GABRG3: variants seen among roughly 807,000 people sequenced by gnomAD.
The protein encoded by GABRG3 is gamma-aminobutyric acid receptor subunit gamma-3.
In GABRG3, 25 loss-of-function variants were observed where a neutral mutation model predicts 48.8. The ratio of observed to expected loss-of-function variants is 0.51; its 90% CI spans 0.37 to 0.72. GABRG3 has a LOEUF of 0.72. Among genes scored for constraint, GABRG3 ranks in the 30% least tolerant of loss-of-function variants. The probability of loss-of-function intolerance (pLI) is 0.00; values close to 1 mark genes in which losing one functional copy is unlikely to be tolerated. For synonymous variants in GABRG3, 227 were observed against 217.6 expected (o/e 1.04, Z -0.38); for missense variants, 394 against 577.9 (o/e 0.68, Z 3.26).
At chr15:27,128,506 A>G (rs1897860678) in intron 3 of GABRG3, among the ~76,000 whole-genome samples, 1 of 152,254 alleles carries the variant, frequency 6.6e-6, no homozygotes, top group African/African-American at 2.4e-5. Flanking sequence ...GTTGAGCTGC[A>G]GCCAGCATGG....
At chr15:27,210,135 T>C (rs1216069130) in intron 3 of GABRG3, among the ~76,000 whole-genome samples, 2 of 152,194 alleles carry the variant, frequency 1.3e-5, no homozygotes, top group Non-Finnish European at 2.9e-5. Context: ...TGCTGAAAGC[T>C]TCCAAAGGAG....
chr15:27,026,735 C>T lies in GABRG3; in HGVS notation c.203-19C>T. 1 of 1,594,830 alleles carries T rather than the reference C, an allele frequency of 6.3e-7. No individual in the cohort carries two copies. Among genetic ancestry groups the T allele is most frequent in the South Asian group, 1.1e-5 (1 of 89,286 alleles). ...TTCTCCGGCACGAAGTATTAACATA[C>T]ATGTATTTTTCTCCACAGTAAAACC... On this transcript the variant is annotated intron_variant, in intron 2 of 9. Transcript: ENST00000615808.
chr15:27,006,161 T>G (rs979277802), intron 2 of GABRG3, among the ~76,000 whole-genome samples: 10 of 142,792 alleles, frequency 7.0e-5, no homozygotes, highest in African/African-American at 2.7e-4. Context: ...TCAATAAAAC[T>G]TTTTTTTACA....
intron 3 of GABRG3, among the ~76,000 whole-genome samples, chr15:27,205,396 G>A (rs1888819801): frequency 6.6e-6 from 1 of 152,078 alleles, no homozygotes; most frequent in Non-Finnish European, 1.5e-5. Context: ...TGCATCCCAG[G>A]AATAAAGCAT....
chr15:27,268,566 TGTG>T (rs2140472003), intron 3 of GABRG3, among the ~76,000 whole-genome samples: 1 of 152,294 alleles, frequency 6.6e-6, no homozygotes, highest in East Asian at 1.9e-4. Context: ...TGGAGGCAGA[TGTG>T]GTATCAATTT....
intron 3 of GABRG3, among the ~76,000 whole-genome samples, chr15:27,201,249 A>G (rs1265343010): frequency 6.6e-6 from 1 of 151,768 alleles, no homozygotes; most frequent in African/African-American, 2.4e-5. Flanking sequence ...TGGACAGGTC[A>G]GGGAGAGAGT....
chr15:27,527,893 C>T (rs1218564867), intron 8 of GABRG3, 40 bp from the exon 9 acceptor site: 2 of 1,461,114 alleles, frequency 1.4e-6, no homozygotes, highest in Non-Finnish European at 1.9e-6. Flanking sequence ...TGCAAATGTT[C>T]ATGACAGTTT....
At chr15:27,093,491 G>A (rs761609056) in intron 3 of GABRG3, among the ~76,000 whole-genome samples, 13 of 152,198 alleles carry the variant, frequency 8.5e-5, no homozygotes, top group Non-Finnish European at 1.3e-4. Flanking sequence ...TGCTGGAGTC[G>A]GGGACTCTGC....
At chr15:27,444,927 A>C (rs1888898475) in intron 5 of GABRG3, among the ~76,000 whole-genome samples, 1 of 152,124 alleles carries the variant, frequency 6.6e-6, no homozygotes, top group Admixed American at 6.6e-5. Flanking sequence ...GCTGCAGTGC[A>C]ATTGTGCAAT....
chr15:27,072,918 C>T (rs1310130294), intron 3 of GABRG3, among the ~76,000 whole-genome samples: 1 of 152,194 alleles, frequency 6.6e-6, no homozygotes, highest in African/African-American at 2.4e-5. Flanking sequence ...TGCCACAGCC[C>T]ACTGCTCTGG....
Position 27,324,632 on chromosome 15 carries a change from A to G in GABRG3, c.271-2177A>G, listed in dbSNP as rs1021050303. Among the ~76,000 whole-genome samples the G allele has an allele frequency of 9.2e-5, 14 of 152,194 alleles. 1 individual carries two copies. Among genetic ancestry groups the G allele is most frequent in the African/African-American group, 3.4e-4 (14 of 41,454 alleles). Reference sequence around the variant, plus strand: ...CAGGCAACGGTACCATTCAATCTCAAGTAGTCATTTTTCTTCCTGACTTGT... The same window carrying G: ...CAGGCAACGGTACCATTCAATCTCAGGTAGTCATTTTTCTTCCTGACTTGT... On this transcript the variant is annotated intron_variant, in intron 3 of 9. Transcript: ENST00000615808.
chr15:27,530,806 G>A (rs1891406005), intron 9 of GABRG3: 2 of 442,124 alleles, frequency 4.5e-6, no homozygotes, highest in East Asian at 7.1e-5. Context: ...ACATAGCAAG[G>A]GACTACACAG....
At chr15:26,977,437 C>G (rs1262786497) in intron 2 of GABRG3, among the ~76,000 whole-genome samples, 3 of 152,180 alleles carry the variant, frequency 2.0e-5, no homozygotes, top group Admixed American at 6.5e-5. Context: ...CTCGTATCAC[C>G]TCTTGCTATC....
rs1891470164 is a variant in GABRG3, at chr15:27,533,131, G to C, written c.*250G>C. ...TATTCTTGCTAATCCCTACTGAATT[G>C]TAGCTTGGTGTTGTTTCTGAATGGT... On this transcript the variant is annotated 3_prime_UTR_variant, in exon 10 of 10. Coordinates refer to ENST00000615808, the MANE Select transcript of GABRG3 (RefSeq NM_033223.5). 2.5e-6 allele frequency: 1 copy of C among 403,728 alleles called. No homozygotes were observed. The highest frequency in any genetic ancestry group is 4.4e-6 in the Non-Finnish European group (1 of 225,386). The allele number at this position is 403,728 out of a possible 1,614,324, so 25.0% of individuals were successfully genotyped here.
At chr15:27,305,515 CAT>C (rs1029737277) in intron 3 of GABRG3, among the ~76,000 whole-genome samples, 66 of 144,806 alleles carry the variant, frequency 4.6e-4, no homozygotes, top group Non-Finnish European at 6.9e-4. Context: ...CATATATAAA[CAT>C]ATATATAATA....
rs372596840 is a variant in GABRG3, at chr15:27,319,762, C to T, written c.271-7047C>T. ...TAACGGGTTGGTTTGTAAGCAAGCACGATACACGGAGCCTTGAGTATCATG... is the reference window on the plus strand; with the variant it reads ...TAACGGGTTGGTTTGTAAGCAAGCATGATACACGGAGCCTTGAGTATCATG... On this transcript the variant is annotated intron_variant, in intron 3 of 9. Coordinates refer to ENST00000615808, the MANE Select transcript of GABRG3 (RefSeq NM_033223.5). The surrounding 1 kb of genome is among the most constrained non-coding windows in gnomAD (Gnocchi z 4.4). Among the ~76,000 whole-genome samples the T allele has an allele frequency of 3.9e-5, 6 of 152,046 alleles. No homozygotes were observed. Among genetic ancestry groups the T allele is most frequent in the Admixed American group, 2.0e-4 (3 of 15,274 alleles).
chr15:27,302,228 A>G (rs1221173789), intron 3 of GABRG3, among the ~76,000 whole-genome samples: 2 of 152,172 alleles, frequency 1.3e-5, no homozygotes, highest in African/African-American at 4.8e-5. Flanking sequence ...TTCTCCATGT[A>G]TGTATAAGAC....
Position 27,115,099 on chromosome 15 carries a change from A to G in GABRG3, c.270+88278A>G, listed in dbSNP as rs539475034. 3.9e-5 allele frequency among the ~76,000 whole-genome samples: 6 copies of G among 152,160 alleles called. No homozygotes were observed. The East Asian group carries it at 1.2e-3, about 29-fold the overall frequency. ...AATAAAAATGAAATAAAGGGAAGTGAGCTACTTCTGTAATTTTTTTTTTTG... is the reference window on the plus strand; with the variant it reads ...AATAAAAATGAAATAAAGGGAAGTGGGCTACTTCTGTAATTTTTTTTTTTG... On this transcript the variant is annotated intron_variant, in intron 3 of 9. Transcript: ENST00000615808.
intron 7 of GABRG3, among the ~76,000 whole-genome samples, chr15:27,522,708 A>G (rs1304307471): frequency 6.6e-6 from 1 of 151,856 alleles, no homozygotes; most frequent in Non-Finnish European, 1.5e-5. Flanking sequence ...CAATGTAGAA[A>G]TAAATAGGAG....
Sources: allele counts gnomAD v4.1 joint callset (sites outside exome capture counted in the v4.1 genomes callset), GRCh38; gene constraint gnomAD v4.1.1; non-coding constraint Gnocchi (gnomAD v3.1); transcripts MANE v1.5; gene names NCBI Gene and HGNC (gene_info 2026-07-23, HGNC 2026-07-21).